SHLD1: variants seen among roughly 807,000 people sequenced by gnomAD.
The protein encoded by SHLD1 is RINN1-REV7-interacting novel NHEJ regulator 3.
Under a neutral mutation model 5.5 loss-of-function variants are expected in SHLD1, and 3 were observed. That is an observed-to-expected ratio of 0.54 (90% CI 0.25 to 1.40). SHLD1 has a LOEUF of 1.40. Ranked by LOEUF, SHLD1 falls within the 40% of genes most tolerant of loss-of-function variation. The pLI, the probability that SHLD1 is intolerant of heterozygous loss-of-function variation, is 0.15. For synonymous variants in SHLD1, 92 were observed against 94.3 expected, an observed-to-expected ratio of 0.98 and a Z score of 0.14; for missense variants, 210 against 244.4, an observed-to-expected ratio of 0.86 and a Z score of 0.94.
chr20:5,850,683 G>A (rs1223239424), intron 2 of SHLD1, among the ~76,000 whole-genome samples: 2 of 151,890 alleles, frequency 1.3e-5, no homozygotes, highest in Non-Finnish European at 1.5e-5. Flanking sequence ...GCTAATTTTT[G>A]TATTTTTAGT....
At chr20:5,829,207 G>C (rs929239891) in intron 2 of SHLD1, among the ~76,000 whole-genome samples, 1 of 152,130 alleles carries the variant, frequency 6.6e-6, no homozygotes, top group Non-Finnish European at 1.5e-5. Flanking sequence ...AGTTCAGGGA[G>C]TTCTTTTTAA....
chr20:5,851,567 T>C (rs2122494137), intron 2 of SHLD1, among the ~76,000 whole-genome samples: 1 of 151,002 alleles, frequency 6.6e-6, no homozygotes, highest in African/African-American at 2.4e-5. Context: ...GTAACATAGG[T>C]CATTTTAAAT....
intron 2 of SHLD1, among the ~76,000 whole-genome samples, chr20:5,822,764 C>T (rs1459441902): frequency 3.3e-5 from 5 of 152,008 alleles, no homozygotes; most frequent in African/African-American, 7.3e-5. Flanking sequence ...CAATCTTTCT[C>T]TCTTGACTGG....
chr20:5,808,249 C>CAG (rs2087409582), intron 2 of SHLD1, among the ~76,000 whole-genome samples: 1 of 151,700 alleles, frequency 6.6e-6, no homozygotes, highest in South Asian at 2.1e-4. Context: ...CACTGCACTC[C>CAG]AGCAAGACTC....
intron 2 of SHLD1, among the ~76,000 whole-genome samples, chr20:5,849,915 C>A (rs911292846): frequency 6.9e-6 from 1 of 144,566 alleles, no homozygotes; most frequent in African/African-American, 2.6e-5. Flanking sequence ...GCCGAGATTC[C>A]GCCACTGCAG....
intron 2 of SHLD1, among the ~76,000 whole-genome samples, chr20:5,821,097 C>G (rs2087600451): frequency 6.6e-6 from 1 of 152,210 alleles, no homozygotes; most frequent in Non-Finnish European, 1.5e-5. Context: ...TGTGCTTAAT[C>G]AACTGAGAAA....
intron 2 of SHLD1, among the ~76,000 whole-genome samples, chr20:5,795,678 A>G (rs1006557458): frequency 1.3e-5 from 2 of 150,692 alleles, no homozygotes; most frequent in Admixed American, 1.3e-4. Context: ...GAACAAACTC[A>G]TTACAAAAAA....
intron 2 of SHLD1, among the ~76,000 whole-genome samples, chr20:5,861,958 G>T (rs931827608): frequency 3.9e-5 from 6 of 152,158 alleles, no homozygotes; most frequent in African/African-American, 1.4e-4. Flanking sequence ...TCCTTTCCTG[G>T]CTTGTAGACA....
chr20:5,829,442 G>T (rs936359884), intron 2 of SHLD1, among the ~76,000 whole-genome samples: 1 of 152,120 alleles, frequency 6.6e-6, no homozygotes, highest in Non-Finnish European at 1.5e-5. Flanking sequence ...ATTGGAAAAA[G>T]ATACTAATCT....
At chr20:5,773,661 T>C (rs926481025) in intron 2 of SHLD1, among the ~76,000 whole-genome samples, 2 of 152,106 alleles carry the variant, frequency 1.3e-5, no homozygotes, top group African/African-American at 4.8e-5. Context: ...ATTTATTTCT[T>C]GTTAGTTTTG....
At position 5,764,184 on chromosome 20, in the gene SHLD1, A is replaced by T. The variant is rs28701575; in HGVS notation, c.-4-8678A>T. ...TATATATATATATATATTTTTATAT[A>T]TATATATTTTATATATATATATATT... On this transcript the variant is annotated intron_variant, in intron 1 of 2. Coordinates refer to ENST00000303142, the MANE Select transcript of SHLD1 (RefSeq NM_152504.4). Among the ~76,000 whole-genome samples the T allele has an allele frequency of 2.5e-4, 16 of 63,670 alleles. 1 individual carries two copies. The highest frequency in any genetic ancestry group is 8.1e-4 in the African/African-American group (14 of 17,204). The allele number at this position is 63,670 out of a possible 152,430, so 41.8% of individuals were successfully genotyped here. A position where few individuals can be genotyped will look rare whatever the true frequency, so the allele number is the denominator to read the frequency against.
intron 2 of SHLD1, among the ~76,000 whole-genome samples, chr20:5,822,254 T>C (rs1196545250): frequency 1.3e-5 from 2 of 152,124 alleles, no homozygotes; most frequent in African/African-American, 2.4e-5. Flanking sequence ...GGTCAGGAGT[T>C]TGACACCAGC....
intron 1 of SHLD1, among the ~76,000 whole-genome samples, chr20:5,768,076 G>A (rs1257232193): frequency 6.6e-6 from 1 of 150,734 alleles, no homozygotes; most frequent in Non-Finnish European, 1.5e-5. Context: ...CCGGGTTCAA[G>A]CAATTCTTGG....
At position 5,790,744 on chromosome 20, in the gene SHLD1, A is replaced by G. The variant is rs149320827; in HGVS notation, c.178+17701A>G. Among the ~76,000 whole-genome samples, 842 of 151,902 alleles carry G rather than the reference A, an allele frequency of 5.5e-3. 6 individuals are homozygous for G. Among genetic ancestry groups the G allele is most frequent in the African/African-American group, 0.019 (777 of 41,474 alleles). ...GCTGGGATTACAGGTGTGAGCCACC[A>G]CGCCTGGCCAAAATAAAAGATTTCA... On this transcript the variant is annotated intron_variant, in intron 2 of 2. Coordinates refer to ENST00000303142, the MANE Select transcript of SHLD1 (RefSeq NM_152504.4).
At chr20:5,861,869 G>C (rs2088167070) in intron 2 of SHLD1, among the ~76,000 whole-genome samples, 1 of 152,208 alleles carries the variant, frequency 6.6e-6, no homozygotes, top group Non-Finnish European at 1.5e-5. Flanking sequence ...CAAAGCTAGT[G>C]ATTTATAAAA....
chr20:5,751,970 G>A (rs1051995815), intron 1 of SHLD1, among the ~76,000 whole-genome samples: 1 of 152,164 alleles, frequency 6.6e-6, no homozygotes, highest in Admixed American at 6.6e-5. Flanking sequence ...AGAGAGTTAA[G>A]CTTTGTCTAA....
At chr20:5,834,391 A>G (rs930376573) in intron 2 of SHLD1, among the ~76,000 whole-genome samples, 8 of 152,196 alleles carry the variant, frequency 5.3e-5, no homozygotes, top group African/African-American at 1.7e-4. Flanking sequence ...ATATAATAAT[A>G]TAGGCAAAAA....
intron 2 of SHLD1, among the ~76,000 whole-genome samples, chr20:5,834,314 A>T (rs760941987): frequency 6.6e-6 from 1 of 152,238 alleles, no homozygotes; most frequent in African/African-American, 2.4e-5. Context: ...TTCCAAGTTA[A>T]TTTTTTTGAA....
intron 1 of SHLD1, among the ~76,000 whole-genome samples, chr20:5,768,562 G>A (rs1258417316): frequency 1.3e-5 from 2 of 152,208 alleles, no homozygotes; most frequent in Non-Finnish European, 2.9e-5. Flanking sequence ...TTAAATAATT[G>A]ACTGACTGCA....
Sources: gnomAD v4.1 joint callset for allele counts (sites outside exome capture counted in the v4.1 genomes callset) on GRCh38, gnomAD v4.1.1 for gene constraint, MANE v1.5 for transcripts, NCBI Gene and HGNC (gene_info 2026-07-23, HGNC 2026-07-21) for gene names.